The following PCSK1 variants were observed in gnomAD, a reference collection of about 807,000 sequenced individuals.
PCSK1 encodes proprotein convertase subtilisin/kexin type 1, also known as neuroendocrine convertase 1.
In PCSK1, 56 loss-of-function variants were observed where a neutral mutation model predicts 90.6. The ratio of observed to expected loss-of-function variants is 0.62; its 90% CI spans 0.50 to 0.77. The LOEUF is 0.77. Ranked by LOEUF, PCSK1 falls within the 30% of genes least tolerant of loss-of-function variation. The pLI is 0.00. For missense variants in PCSK1, 801 were observed against 932.6 expected (o/e 0.86, Z 1.84); for synonymous variants, 348 against 342.4 (o/e 1.02, Z -0.18).
At position 96,393,115 on chromosome 5, in the gene PCSK1, A is replaced by G. The variant is rs1471452398; in HGVS notation, c.2148T>C (p.Ser716=). 1 of 1,614,184 alleles carries G rather than the reference A, an allele frequency of 6.2e-7. No homozygotes were observed. Among genetic ancestry groups the G allele is most frequent in the Non-Finnish European group, 8.5e-7 (1 of 1,180,004 alleles). Residue 716 remains serine, a synonymous_variant, in exon 14 of 14, where the codon TCT becomes TCC. Transcript: ENST00000311106. ...CATAGTCATTATACAGACTGTCTTC[A>G]GAGTCTTTAAGCTGGGAAGGTTTGT... ...KLNKPSQLKD[S]EDSLYNDYVD...
At position 96,408,186 on chromosome 5, in the gene PCSK1, CCTTTGTAAAGGTGATTAGAAG is replaced by C. The variant is rs1360353850; in HGVS notation, c.1196+16_1196+36del. 1 of 1,416,646 alleles carries C rather than the reference CCTTTGTAAAGGTGATTAGAAG, an allele frequency of 7.1e-7. No homozygotes were observed. Among genetic ancestry groups the C allele is most frequent in the Non-Finnish European group, 1.0e-6 (1 of 1,001,662 alleles). The allele number at this position is 1,416,646 out of a possible 1,614,324, so 87.8% of individuals were successfully genotyped here. A position where few individuals can be genotyped will look rare whatever the true frequency, so the allele number is the denominator to read the frequency against. On this transcript the variant is annotated intron_variant, in intron 9 of 13. Transcript: ENST00000311106. ...TGTTATTAAAAATAAGGAGAATCAG[CCTTTGTAAAGGTGATTAGAAG>C]CTTTCTGGGCCTTACTTTGCTTCCA...
At chr5:96,412,970 A>C (rs1475096215) in intron 6 of PCSK1, 3 of 994,834 alleles carry the variant, frequency 3.0e-6, no homozygotes, top group Non-Finnish European at 3.6e-6. Context: ...GCACCTCCTC[A>C]TGGCTGTCCC....
chr5:96,412,485 TTATGCCTGA>T lies in PCSK1; in HGVS notation c.710-4_714del, dbSNP rs1760787727. ...TCCGTCACAATGCCATCCAGCATTC[TTATGCCTGA>T]GAAACAAAATAAACAAAGACACACA... On this transcript the variant is annotated splice_acceptor_variant and splice_polypyrimidine_tract_variant and coding_sequence_variant and intron_variant, in exon 7 of 14. Coordinates refer to ENST00000311106, the MANE Select transcript of PCSK1 (RefSeq NM_000439.5). LOFTEE classifies it high-confidence loss of function. 3.1e-6 allele frequency: 5 copies of T among 1,613,780 alleles called. No individual in the cohort carries two copies. The highest frequency in any genetic ancestry group is 4.2e-6 in the Non-Finnish European group (5 of 1,179,838).
At position 96,397,384 on chromosome 5, in the gene PCSK1, T is replaced by A; in HGVS notation, c.1674A>T (p.Thr558=). 1 of 1,611,532 alleles carries A rather than the reference T, an allele frequency of 6.2e-7. No individual in the cohort carries two copies. Among genetic ancestry groups the A allele is most frequent in the Non-Finnish European group, 8.5e-7 (1 of 1,177,634 alleles). ...AAGTACCTATAGGGTTCTCTCCCCA[T>A]GTGTGAACAGACATGAAGTCCCAAT... ...FKNWDFMSVH[T]WGENPIGTWT... Residue 558 remains threonine (T), a synonymous_variant, in exon 12 of 14, where the codon ACA becomes ACT. Transcript: ENST00000311106.
At position 96,399,149 on chromosome 5, in the gene PCSK1, TC is replaced by T. The variant is rs1760264718; in HGVS notation, c.1431-114del. ...GATGCTCAACTAAGCTTTTTGTCAC[TC>T]CCTGTGATGTGTAGAACCTAATTCA... On this transcript the variant is annotated intron_variant, in intron 10 of 13. Transcript: ENST00000311106. 4 of 760,756 alleles carry T rather than the reference TC, an allele frequency of 5.3e-6. No individual in the cohort carries two copies. The Admixed American group carries it at 6.2e-5, about 12-fold the overall frequency. The allele number at this position is 760,756 out of a possible 1,614,324, so 47.1% of individuals were successfully genotyped here.
chr5:96,394,702 T>C (rs1365868243), intron 13 of PCSK1, among the ~76,000 whole-genome samples, 162 bp downstream of exon 13: 1 of 152,216 alleles, frequency 6.6e-6, no homozygotes, highest in Non-Finnish European at 1.5e-5. Context: ...ATGAAAAAAA[T>C]ACAGTTTTAT....
chr5:96,429,185 G>A, intron 2 of PCSK1, 28 bp downstream of exon 2: 1 of 1,102,754 alleles, frequency 9.1e-7, no homozygotes, highest in Non-Finnish European at 1.4e-6. Flanking sequence ...CTAGAGTATT[G>A]GTTTGAAGAC....
chr5:96,399,882 C>T, intron 10 of PCSK1, 71 bp downstream of exon 10: 1 of 1,227,658 alleles, frequency 8.1e-7, no homozygotes. Flanking sequence ...AAAAATCAGG[C>T]AGAATGGCAA....
intron 7 of PCSK1, 41 bp from the exon 8 acceptor site, chr5:96,411,027 A>G (rs1760737299): frequency 7.3e-7 from 1 of 1,375,626 alleles, no homozygotes; most frequent in Non-Finnish European, 1.0e-6. Context: ...GTTATCATCT[A>G]TTGGGGTCAT....
intron 7 of PCSK1, among the ~76,000 whole-genome samples, chr5:96,411,381 G>A (rs960690902): frequency 1.3e-5 from 2 of 152,196 alleles, no homozygotes; most frequent in African/African-American, 4.8e-5. Flanking sequence ...GACAAAATTA[G>A]GAATTATTCA....
rs1387320228 is a variant in PCSK1, at chr5:96,427,819, C to T, written c.285+1394G>A. ...GAAGGAAATCTCTCTTCTGCTTAGC[C>T]CGGGGACTAAGCCTAGCCAGAGTGC... On this transcript the variant is annotated intron_variant, in intron 2 of 13. Coordinates refer to ENST00000311106, the MANE Select transcript of PCSK1 (RefSeq NM_000439.5). 4.6e-5 allele frequency among the ~76,000 whole-genome samples: 7 copies of T among 152,128 alleles called. 1 individual carries two copies. The East Asian group carries it at 1.3e-3, about 29-fold the overall frequency.
chr5:96,424,782 A>C (rs1400815111), intron 3 of PCSK1, among the ~76,000 whole-genome samples: 1 of 151,952 alleles, frequency 6.6e-6, no homozygotes, highest in Non-Finnish European at 1.5e-5. Context: ...GACCAATGTG[A>C]CAAAACCCCA....
intron 4 of PCSK1, 37 bp from the exon 5 acceptor site, chr5:96,421,993 T>TAAAA (rs11317408): frequency 9.2e-5 from 33 of 358,414 alleles, no homozygotes; most frequent in African/African-American, 5.8e-4. Context: ...GTGGCAGCAT[T>TAAAA]AAAAAAAAAA....
chr5:96,415,313 C>T (rs1055613765), intron 6 of PCSK1, among the ~76,000 whole-genome samples: 1 of 152,226 alleles, frequency 6.6e-6, no homozygotes, highest in Admixed American at 6.5e-5. Flanking sequence ...AGAAGTGGCT[C>T]TGTTGTTGTA....
chr5:96,423,628 A>G (rs1761194049), intron 3 of PCSK1, among the ~76,000 whole-genome samples, 169 bp from the exon 4 acceptor site: 1 of 152,214 alleles, frequency 6.6e-6, no homozygotes, highest in Admixed American at 6.5e-5. Flanking sequence ...GTAAGGCCAA[A>G]TGAACCCCCA....
chr5:96,403,730 G>C (rs1760463315), intron 9 of PCSK1, among the ~76,000 whole-genome samples: 1 of 152,200 alleles, frequency 6.6e-6, no homozygotes, highest in South Asian at 2.1e-4. Context: ...AGTCTTAGGA[G>C]CTATCTGGTT....
At chr5:96,431,582 G>T (rs1761498731) in intron 1 of PCSK1, among the ~76,000 whole-genome samples, 1 of 152,182 alleles carries the variant, frequency 6.6e-6, no homozygotes, top group Non-Finnish European at 1.5e-5. Context: ...ACGAGGGCAA[G>T]GGCTGGCCAA....
intron 9 of PCSK1, among the ~76,000 whole-genome samples, chr5:96,400,797 T>C (rs1760331168): frequency 6.6e-6 from 1 of 152,116 alleles, no homozygotes; most frequent in South Asian, 2.1e-4. Context: ...TTTAGAAGTT[T>C]ACAATCCAGG....
At position 96,392,994 on chromosome 5, in the gene PCSK1, A is replaced by C. The variant is rs200901773; in HGVS notation, c.*7T>G. ...GAATATTTCCAACTTGGGACCACAC[A>C]CTTATTTTAATTTTCCTCATTCAGA... On this transcript the variant is annotated 3_prime_UTR_variant, in exon 14 of 14. Transcript: ENST00000311106. The C allele has an allele frequency of 4.3e-6, 7 of 1,613,994 alleles. No individual in the cohort carries two copies. In the African/African-American group the frequency reaches 8.0e-5, roughly 18 times the overall value.
Sources: allele counts gnomAD v4.1 joint callset (sites outside exome capture counted in the v4.1 genomes callset), GRCh38; gene constraint gnomAD v4.1.1; transcripts MANE v1.5; gene names NCBI Gene and HGNC (gene_info 2026-07-23, HGNC 2026-07-21).